SLC15A2: variants seen among roughly 807,000 people sequenced by gnomAD.
The protein encoded by SLC15A2 is solute carrier family 15 member 2, also known as kidney H(+)/peptide cotransporter.
A neutral mutation model predicts 95.5 loss-of-function variants in SLC15A2; 77 were observed. That is an observed-to-expected ratio of 0.81 (90% confidence interval 0.67 to 0.97). SLC15A2 has a LOEUF of 0.97. SLC15A2 is among the 50% of genes least tolerant of loss of function. The pLI, the probability that SLC15A2 is intolerant of heterozygous loss-of-function variation, is 0.00. For missense variants in SLC15A2, 893 were observed against 874.4 expected, an observed-to-expected ratio of 1.02 and a Z score of -0.27; for synonymous variants, 306 against 306.9, an observed-to-expected ratio of 1.00 and a Z score of 0.03.
At chr3:121,922,922 G>A in intron 9 of SLC15A2, 61 bp downstream of exon 9, 1 of 1,556,810 alleles carries the variant, frequency 6.4e-7, no homozygotes, top group Non-Finnish European at 8.9e-7. Context: ...TGTTCAAAAT[G>A]ATTCTATCCT....
chr3:121,911,161 A>T (rs1248634431), intron 3 of SLC15A2, among the ~76,000 whole-genome samples: 1 of 152,190 alleles, frequency 6.6e-6, no homozygotes, highest in Admixed American at 6.5e-5. Flanking sequence ...ATTCCTTGAG[A>T]AAAACACCTA....
chr3:121,938,815 C>T (rs2107614091), intron 19 of SLC15A2, among the ~76,000 whole-genome samples: 1 of 152,330 alleles, frequency 6.6e-6, no homozygotes, highest in East Asian at 1.9e-4. Context: ...TTTAACCCTC[C>T]TGGCCAAAAG....
At chr3:121,907,508 T>C (rs1180808493) in intron 3 of SLC15A2, among the ~76,000 whole-genome samples, 1 of 152,240 alleles carries the variant, frequency 6.6e-6, no homozygotes, top group Non-Finnish European at 1.5e-5. Context: ...CTTTGTTCTT[T>C]GATGCTGGTG....
At chr3:121,914,832 T>C (rs1468711656) in intron 5 of SLC15A2, 2 of 200,554 alleles carry the variant, frequency 1.0e-5, no homozygotes, top group Admixed American at 1.9e-4. Context: ...CATTCCAGCC[T>C]GGGCGGCAGA....
In SLC15A2 at chr3:121,940,381, C is replaced by T. The variant is rs769610363; in HGVS notation, c.1909-3C>T. On this transcript the variant is annotated splice_polypyrimidine_tract_variant and splice_region_variant and intron_variant, in intron 20 of 21. Transcript: ENST00000489711. ...TTTACTTTCAAACTTGTGTCATCCC[C>T]AGGCTCCCTCTAGCATGAAATCTGT... The T allele has an allele frequency of 3.1e-6, 5 of 1,612,946 alleles. No homozygotes were observed. The highest frequency in any genetic ancestry group is 2.7e-5 in the African/African-American group (2 of 74,882).
At position 121,940,822 on chromosome 3, in the gene SLC15A2, C is replaced by G. The variant is rs779565425; in HGVS notation, c.2014-9C>G. 11 of 1,608,672 alleles carry G rather than the reference C, an allele frequency of 6.8e-6. No individual in the cohort carries two copies. The highest frequency in any genetic ancestry group is 9.3e-6 in the Non-Finnish European group (11 of 1,177,718). ...TCCATATTCTTCTCATATTTATTTCCCCCTGCAGTGGGCCGAATTCATTTT... is the reference window on the plus strand; with the variant it reads ...TCCATATTCTTCTCATATTTATTTCGCCCTGCAGTGGGCCGAATTCATTTT... On this transcript the variant is annotated splice_polypyrimidine_tract_variant and intron_variant, in intron 21 of 21. Transcript: ENST00000489711.
chr3:121,932,052 C>T (rs1186340036), intron 19 of SLC15A2, among the ~76,000 whole-genome samples: 1 of 152,158 alleles, frequency 6.6e-6, no homozygotes, highest in Non-Finnish European at 1.5e-5. Flanking sequence ...AGGCACCCAC[C>T]ACCACCATGC....
At chr3:121,906,378 T>C (rs559440291) in intron 3 of SLC15A2, among the ~76,000 whole-genome samples, 3 of 152,378 alleles carry the variant, frequency 2.0e-5, no homozygotes, top group African/African-American at 7.2e-5. Context: ...AATATTGTTA[T>C]GTGTTAATTT....
At chr3:121,940,742 G>C (rs1710445075) in intron 21 of SLC15A2, 89 bp from the exon 22 acceptor site, 2 of 1,381,234 alleles carry the variant, frequency 1.4e-6, no homozygotes, top group Admixed American at 2.1e-5. Flanking sequence ...GGTGATCCCA[G>C]GTCAGTCTGC....
intron 3 of SLC15A2, 130 bp downstream of exon 3, chr3:121,897,659 T>C (rs1709444657): frequency 1.2e-6 from 1 of 817,174 alleles, no homozygotes; most frequent in South Asian, 2.2e-5. Context: ...TCTGTACATC[T>C]GTGTAGTGTG....
chr3:121,922,227 T>G lies in SLC15A2; in HGVS notation c.705T>G (p.Phe235Leu), dbSNP rs750674091. Residue 235 changes from phenylalanine to leucine, a missense_variant, in exon 8 of 22, where the codon TTT (phenylalanine) becomes TTG (leucine). Physicochemically the swap from Phe to Leu is conservative, Grantham distance 22. Transcript: ENST00000489711. ...TTTGTGTATCAACTGCAGTTGTGTTTGCAATGGGAAGCAAAATATACAATA... is the reference window on the plus strand; with the variant it reads ...TTTGTGTATCAACTGCAGTTGTGTTGGCAATGGGAAGCAAAATATACAATA... Reference protein sequence around the residue: ...GLLMVIALVVFAMGSKIYNKP... With the variant: ...GLLMVIALVVLAMGSKIYNKP... 8 of 1,613,776 alleles carry G rather than the reference T, an allele frequency of 5.0e-6. 1 individual carries two copies. In the Middle Eastern group the frequency reaches 9.9e-4, roughly 200 times the overall value.
At chr3:121,934,093 G>A (rs1207332669) in intron 19 of SLC15A2, among the ~76,000 whole-genome samples, 3 of 152,010 alleles carry the variant, frequency 2.0e-5, no homozygotes, top group Non-Finnish European at 4.4e-5. Context: ...CATTATTTCT[G>A]AGGGCTCTGT....
Position 121,940,876 on chromosome 3 carries a change from C to CAGCAGG in SLC15A2, c.2059_2060insAGCAGG (p.Leu687delinsGlnGlnVal). The CAGCAGG allele has an allele frequency of 6.2e-7, 1 of 1,614,024 alleles. No individual in the cohort carries two copies. The highest frequency in any genetic ancestry group is 8.5e-7 in the Non-Finnish European group (1 of 1,180,004). On this transcript the variant is annotated protein_altering_variant, in exon 22 of 22. Coordinates refer to ENST00000489711, the MANE Select transcript of SLC15A2 (RefSeq NM_021082.4). ...TTCCTGCCTCCTGCTGGTGATCTGC[C>CAGCAGG]TGATCTTCTCCATCATGGGCTACTA...
At chr3:121,939,096 A>C (rs1222711808) in intron 19 of SLC15A2, 1 of 320,890 alleles carries the variant, frequency 3.1e-6, no homozygotes, top group African/African-American at 2.1e-5. Flanking sequence ...TGGAAATCCA[A>C]ACTGCAATAT....
intron 7 of SLC15A2, among the ~76,000 whole-genome samples, chr3:121,921,906 C>G (rs1272436678): frequency 2.0e-5 from 3 of 152,184 alleles, no homozygotes; most frequent in Non-Finnish European, 2.9e-5. Flanking sequence ...AAGATGACTT[C>G]CACTTCTGTG....
rs189594124 is a variant in SLC15A2, at chr3:121,906,180, T to A, written c.336-5394T>A. 5.9e-4 allele frequency among the ~76,000 whole-genome samples: 90 copies of A among 152,320 alleles called. 1 individual carries two copies. The highest frequency in any genetic ancestry group is 4.2e-3 in the Admixed American group (65 of 15,302). Reference sequence around the variant, plus strand: ...AGACTAGGATTGCAACCCCTGCTTTTTTTTTGCTTTCCATTTACTTGGTAG... The same window carrying A: ...AGACTAGGATTGCAACCCCTGCTTTATTTTTGCTTTCCATTTACTTGGTAG... On this transcript the variant is annotated intron_variant, in intron 3 of 21. Coordinates refer to ENST00000489711, the MANE Select transcript of SLC15A2 (RefSeq NM_021082.4).
chr3:121,905,607 C>T (rs1197702136), intron 3 of SLC15A2, among the ~76,000 whole-genome samples: 7 of 152,106 alleles, frequency 4.6e-5, no homozygotes, highest in Non-Finnish European at 8.8e-5. Context: ...TTGTTATTTA[C>T]CCAGTAGTCA....
At chr3:121,922,952 C>G in intron 9 of SLC15A2, 88 bp from the exon 10 acceptor site, 2 of 1,542,046 alleles carry the variant, frequency 1.3e-6, no homozygotes, top group Non-Finnish European at 8.9e-7. Flanking sequence ...AACCTCCTCT[C>G]TACTGTTTTT....
chr3:121,928,911 T>C, intron 15 of SLC15A2, 71 bp from the exon 16 acceptor site: 6 of 1,522,170 alleles, frequency 3.9e-6, no homozygotes, highest in Non-Finnish European at 5.4e-6. Flanking sequence ...TACCCTGAGA[T>C]GCTACATCGT....
Sources: gnomAD v4.1 joint callset for allele counts (sites outside exome capture counted in the v4.1 genomes callset) on GRCh38, gnomAD v4.1.1 for gene constraint, MANE v1.5 for transcripts, NCBI Gene and HGNC (gene_info 2026-07-23, HGNC 2026-07-21) for gene names.